The following ZNG1E variants were observed in gnomAD, a reference collection of about 807,000 sequenced individuals.
The protein encoded by ZNG1E is zinc-regulated GTPase metalloprotein activator 1E.
the ZNG1E span, among the ~76,000 whole-genome samples, chr9:65,684,550 G>GCACACGCACACACACACA: frequency 2.3e-5 from 3 of 132,838 alleles, no homozygotes; most frequent in African/African-American, 6.1e-5. Context: ...ACACACGCAC[G>GCACACGCACACACACACA]CACACACACA....
At chr9:65,719,380 T>C in the ZNG1E span, 3 of 133,500 alleles carry the variant, frequency 2.2e-5, 1 homozygote, top group African/African-American at 9.8e-5. Flanking sequence ...AGGTTTTAAG[T>C]CCTTTCCCCC....
chr9:65,667,594 T>A, the ZNG1E span, among the ~76,000 whole-genome samples: 1 of 152,096 alleles, frequency 6.6e-6, no homozygotes, highest in Non-Finnish European at 1.5e-5. Context: ...TTGAATTTAC[T>A]TTCGAGCATG....
the ZNG1E span, among the ~76,000 whole-genome samples, chr9:65,693,096 C>T: frequency 1.3e-5 from 2 of 152,288 alleles, no homozygotes; most frequent in Non-Finnish European, 2.9e-5. Flanking sequence ...CAAACCTGCA[C>T]ATCGTGAGCA....
At chr9:65,693,924 G>T in the ZNG1E span, among the ~76,000 whole-genome samples, 2 of 150,964 alleles carry the variant, frequency 1.3e-5, no homozygotes, top group African/African-American at 4.9e-5. Flanking sequence ...GCTCTAAGGG[G>T]ATATGTCAGG....
chr9:65,717,306 A>G, the ZNG1E span, among the ~76,000 whole-genome samples: 2 of 149,422 alleles, frequency 1.3e-5, no homozygotes, highest in Admixed American at 1.3e-4. Context: ...TGGTTTGTTC[A>G]TTTAAAAATG....
chr9:65,685,683 C>A, the ZNG1E span, among the ~76,000 whole-genome samples: 1 of 151,970 alleles, frequency 6.6e-6, no homozygotes. Context: ...CCATTGAAGT[C>A]TGAAATCCCT....
the ZNG1E span, among the ~76,000 whole-genome samples, chr9:65,689,714 ATGTT>A: frequency 7.0e-6 from 1 of 143,808 alleles, no homozygotes; most frequent in Non-Finnish European, 1.5e-5. Context: ...TGATTTATGT[ATGTT>A]AGATATTTTA....
At chr9:65,678,517 G>A in the ZNG1E span, among the ~76,000 whole-genome samples, 1,546 of 143,352 alleles carry the variant, frequency 0.011, 16 homozygotes, top group Non-Finnish European at 0.017. Flanking sequence ...GTAAAACACT[G>A]GAAACAAACC....
chr9:65,691,463 T>C, the ZNG1E span, among the ~76,000 whole-genome samples: 1 of 152,134 alleles, frequency 6.6e-6, no homozygotes. Flanking sequence ...TGCATTGTGG[T>C]TCTTTTCACA....
chr9:65,705,264 T>G, the ZNG1E span, among the ~76,000 whole-genome samples: 1 of 148,276 alleles, frequency 6.7e-6, no homozygotes, highest in Non-Finnish European at 1.5e-5. Flanking sequence ...TTTAGAAATG[T>G]AAGTGGACTG....
the ZNG1E span, chr9:65,675,698 G>A: frequency 4.5e-6 from 3 of 661,536 alleles, no homozygotes; most frequent in Admixed American, 9.8e-5. Flanking sequence ...TGGTTAGTGC[G>A]CCCTAAGGGC....
chr9:65,661,136 G>A, the ZNG1E span, among the ~76,000 whole-genome samples: 1 of 145,292 alleles, frequency 6.9e-6, no homozygotes, highest in Non-Finnish European at 1.5e-5. Context: ...TAACAACATT[G>A]CCTTATTATA....
chr9:65,659,621 C>T, the ZNG1E span, among the ~76,000 whole-genome samples: 23 of 152,022 alleles, frequency 1.5e-4, no homozygotes, highest in South Asian at 6.3e-4. Flanking sequence ...GGACTTAGGC[C>T]AGATAGTATA....
At chr9:65,715,293 T>A in the ZNG1E span, among the ~76,000 whole-genome samples, 1 of 150,172 alleles carries the variant, frequency 6.7e-6, no homozygotes, top group Non-Finnish European at 1.5e-5. Context: ...CTGCGCCCAC[T>A]GTCTGGCACT....
chr9:65,680,057 C>G, the ZNG1E span, among the ~76,000 whole-genome samples: 1 of 152,132 alleles, frequency 6.6e-6, no homozygotes, highest in Non-Finnish European at 1.5e-5. Flanking sequence ...AATAAGTGTG[C>G]TTAACTTCTC....
chr9:65,726,454 C>A, the ZNG1E span, among the ~76,000 whole-genome samples: 2 of 71,414 alleles, frequency 2.8e-5, no homozygotes, highest in Non-Finnish European at 2.9e-5. Context: ...TAAGCTAAGG[C>A]ATCAGAGAAA....
chr9:65,665,002 T>TG, the ZNG1E span, among the ~76,000 whole-genome samples: 1 of 152,244 alleles, frequency 6.6e-6, no homozygotes, highest in African/African-American at 2.4e-5. Context: ...ATTCAAGAGG[T>TG]GACTTGGGTG....
chr9:65,660,838 T>G, the ZNG1E span, among the ~76,000 whole-genome samples: 1 of 136,002 alleles, frequency 7.4e-6, no homozygotes, highest in Admixed American at 7.6e-5. Flanking sequence ...GATATATATA[T>G]ATATATATAT....
chr9:65,664,286 C>A, the ZNG1E span, among the ~76,000 whole-genome samples: 1 of 151,068 alleles, frequency 6.6e-6, no homozygotes. Flanking sequence ...GGCTGTGTCC[C>A]CACCCAAATC....
Sources: gnomAD v4.1 joint callset for allele counts (sites outside exome capture counted in the v4.1 genomes callset) on GRCh38, gnomAD v4.1.1 for gene constraint, MANE v1.5 for transcripts, NCBI Gene and HGNC (gene_info 2026-07-23, HGNC 2026-07-21) for gene names.